DHX37: variants seen among roughly 807,000 people sequenced by gnomAD.
DHX37 encodes probable ATP-dependent RNA helicase DHX37.
Under a neutral mutation model 134.3 loss-of-function variants are expected in DHX37, and 52 were observed. The observed-to-expected ratio is 0.39, with a 90% CI of 0.31 to 0.49. The LOEUF is 0.49. Among genes scored for constraint, DHX37 ranks in the 20% least tolerant of loss-of-function variants. The pLI, the probability that DHX37 is intolerant of heterozygous loss-of-function variation, is 0.93. For missense variants in DHX37, 1,344 were observed against 1,580.8 expected (o/e 0.85, Z 2.54); for synonymous variants, 634 against 670.7 (o/e 0.95, Z 0.85).
chr12:124,985,972 G>A, intron 2 of DHX37, 124 bp downstream of exon 2: 1 of 1,257,158 alleles, frequency 8.0e-7, no homozygotes, highest in Non-Finnish European at 1.1e-6. Flanking sequence ...CCATGCACTG[G>A]AATTTTCCTC....
chr12:124,965,971 T>C, intron 12 of DHX37, 159 bp from the exon 13 acceptor site: 2 of 503,048 alleles, frequency 4.0e-6, no homozygotes, highest in Non-Finnish European at 5.1e-6. Flanking sequence ...CCTGCCAGAA[T>C]TTCCCCACCT....
intron 16 of DHX37, among the ~76,000 whole-genome samples, chr12:124,959,621 T>A (rs942581442): frequency 6.6e-6 from 1 of 152,204 alleles, no homozygotes; most frequent in African/African-American, 2.4e-5. Context: ...AAGTACAGGA[T>A]GTTATGTGTT....
In DHX37 at chr12:124,987,787, C is replaced by G. The variant is rs150390428; in HGVS notation, c.106+1130G>C. 4.0e-3 allele frequency among the ~76,000 whole-genome samples: 610 copies of G among 152,148 alleles called. 6 individuals carry two copies. The highest frequency in any genetic ancestry group is 0.014 in the African/African-American group (583 of 41,508). On this transcript the variant is annotated intron_variant, in intron 1 of 26. Transcript: ENST00000308736. ...GTATTCTATTCACTGGTTGAGCATC[C>G]CTAATCTAAAAATTTGAAATCTGGA...
chr12:124,972,470 G>A (rs1193097685), intron 7 of DHX37, 33 bp downstream of exon 7: 1 of 1,606,818 alleles, frequency 6.2e-7, no homozygotes, highest in Non-Finnish European at 8.5e-7. Context: ...ATGCCCACTG[G>A]CCTTGCTCTG....
In DHX37 at chr12:124,986,101, T is replaced by TC; in HGVS notation, c.270dup (p.Ser91GlufsTer12). ...CCTGCCCGAGTGGGGTGTACCTGGCTCTTTTTCTCCTTCTGTTCTAAGATT... is the reference window on the plus strand; with the variant it reads ...CCTGCCCGAGTGGGGTGTACCTGGCTCCTTTTTCTCCTTCTGTTCTAAGATT... On this transcript the variant is annotated frameshift_variant, in exon 2 of 27. Coordinates refer to ENST00000308736, the MANE Select transcript of DHX37 (RefSeq NM_032656.4). LOFTEE classifies it high-confidence loss of function. 6.2e-7 allele frequency: 1 copy of TC among 1,613,798 alleles called. No homozygotes were observed. Among genetic ancestry groups the TC allele is most frequent in the Non-Finnish European group, 8.5e-7 (1 of 1,179,998 alleles).
chr12:124,983,884 C>G (rs1176581242), intron 2 of DHX37, among the ~76,000 whole-genome samples: 3 of 152,174 alleles, frequency 2.0e-5, no homozygotes, highest in African/African-American at 7.2e-5. Flanking sequence ...GAGAGACCCT[C>G]AAGCCTCCTG....
At chr12:124,965,065 G>A (rs149607258) in intron 13 of DHX37, 59 bp from the exon 14 acceptor site, 35,542 of 1,538,942 alleles carry the variant, frequency 0.023, 461 homozygotes, top group South Asian at 0.027. Context: ...ACAGGCAGGA[G>A]CTGGCCACAG....
At chr12:124,968,416 G>A in intron 10 of DHX37, 118 bp downstream of exon 10, 1 of 1,503,880 alleles carries the variant, frequency 6.6e-7, no homozygotes, top group East Asian at 2.3e-5. Context: ...GGAAGCCGAG[G>A]CCTGGCAGGG....
chr12:124,983,789 A>AG (rs1434567392), intron 2 of DHX37, among the ~76,000 whole-genome samples: 1 of 150,810 alleles, frequency 6.6e-6, no homozygotes, highest in Non-Finnish European at 1.5e-5. Flanking sequence ...TGTCTCCAAA[A>AG]AAAAAAAAAA....
Position 124,989,023 on chromosome 12 carries a change from G to C in DHX37, c.-1C>G, listed in dbSNP as rs751707395. On this transcript the variant is annotated 5_prime_UTR_variant, in exon 1 of 27. Transcript: ENST00000308736. Reference sequence around the variant, plus strand: ...TGTAGCGCCGGCGCAGCTTCCCCATGGCGACTAGGCCAGGGTGGGCGCTCC... The same window carrying C: ...TGTAGCGCCGGCGCAGCTTCCCCATCGCGACTAGGCCAGGGTGGGCGCTCC... 1 of 1,367,800 alleles carries C rather than the reference G, an allele frequency of 7.3e-7. No homozygotes were observed. The highest frequency in any genetic ancestry group is 2.0e-5 in the South Asian group (1 of 48,876). The allele number at this position is 1,367,800 out of a possible 1,614,324, so 84.7% of individuals were successfully genotyped here.
At chr12:124,972,366 C>T (rs1954539890) in intron 7 of DHX37, 137 bp downstream of exon 7, 1 of 854,572 alleles carries the variant, frequency 1.2e-6, no homozygotes, top group African/African-American at 1.6e-5. Context: ...AAGTAACTCA[C>T]CCAAAGTCAC....
intron 6 of DHX37, 112 bp downstream of exon 6, chr12:124,975,307 C>G: frequency 9.1e-7 from 1 of 1,100,106 alleles, no homozygotes; most frequent in Non-Finnish European, 1.3e-6. Context: ...AGAGGTGACA[C>G]TCCACCCAGC....
chr12:124,985,876 G>C (rs550543477), intron 2 of DHX37, among the ~76,000 whole-genome samples: 2 of 151,050 alleles, frequency 1.3e-5, no homozygotes, highest in African/African-American at 4.9e-5. Context: ...GACATTCTCC[G>C]GAACAGTTCA....
chr12:124,954,052 C>A (rs1468274289), intron 19 of DHX37, 35 bp downstream of exon 19: 1 of 1,608,422 alleles, frequency 6.2e-7, no homozygotes, highest in East Asian at 2.2e-5. Flanking sequence ...ACCTGGGTGA[C>A]CCTCCCGCCA....
rs1323620822 is a variant in DHX37 at position 124,964,946 on chromosome 12, G to C, written c.1796C>G (p.Pro599Arg). 1.3e-6 allele frequency: 2 copies of C among 1,595,766 alleles called. No homozygotes were observed. Among genetic ancestry groups the C allele is most frequent in the Admixed American group, 1.8e-5 (1 of 55,466 alleles). ...CACGGTTACCTGTGCTTGCTTCTCT[G>C]GGGCCAGCAGAGAGTACAGCGGGAG... is the stretch of plus-strand genomic sequence containing the variant. ...HVLPLYSLLA[P>R]EKQAQVFKPP... The change falls in exon 14 of 27, where the codon CCA becomes CGA. Residue 599 changes from proline to arginine, a missense_variant. Around this residue, in one of 7 missense-constraint regions of DHX37, gnomAD observed 289 missense variants for 323.8 expected, o/e 0.89. Coordinates refer to ENST00000308736, the MANE Select transcript of DHX37 (RefSeq NM_032656.4).
rs747935710 is a variant in DHX37, at chr12:124,986,635, T to C, written c.107-370A>G. On this transcript the variant is annotated intron_variant, in intron 1 of 26. Transcript: ENST00000308736. ...CTGAGACAGGAGAATCTCTTGAAAC[T>C]GGGAGGTGGAGGTTGCAGTGAGCCG... Among the ~76,000 whole-genome samples the C allele has an allele frequency of 2.7e-4, 41 of 151,846 alleles. 1 individual carries two copies. The highest frequency in any genetic ancestry group is 5.3e-4 in the Non-Finnish European group (36 of 67,980).
At chr12:124,960,140 G>T (rs775167403) in intron 16 of DHX37, among the ~76,000 whole-genome samples, 172 bp downstream of exon 16, 3 of 152,218 alleles carry the variant, frequency 2.0e-5, no homozygotes, top group South Asian at 2.1e-4. Context: ...CAGCACTGGG[G>T]AGGCAGCGGT....
rs1256467991 is a variant in DHX37 at position 124,970,264 on chromosome 12, G to A, written c.1191+1038C>T. Among the ~76,000 whole-genome samples, 3 of 152,314 alleles carry A rather than the reference G, an allele frequency of 2.0e-5. No homozygotes were observed. In the East Asian group the frequency reaches 5.8e-4, roughly 29 times the overall value. On this transcript the variant is annotated intron_variant, in intron 8 of 26. Transcript: ENST00000308736. ...GCTGGGATTACAGGCGTGAGCCACC[G>A]TGCCCGGCCTAGGGTTTCTTGTTGG...
At position 124,966,802 on chromosome 12, in the gene DHX37, C is replaced by A. The variant is rs200874982; in HGVS notation, c.1581G>T (p.Ala527=). Residue 527 remains alanine, a synonymous_variant, in exon 12 of 27, where the codon GCG becomes GCT. Coordinates refer to ENST00000308736, the MANE Select transcript of DHX37 (RefSeq NM_032656.4). ...CCAGCCCCCCACGTACCTCAGCCCG[C>A]GCCTTCTTGGCCCTGGCCCTTGACT... ...FKKSRARAKK[A]RAEVLPQINL... is the part of the protein sequence containing the mutation. 3 of 1,614,130 alleles carry A rather than the reference C, an allele frequency of 1.9e-6. No individual in the cohort carries two copies. In the African/African-American group the frequency reaches 4.0e-5, roughly 22 times the overall value.
Sources: gnomAD v4.1 joint callset for allele counts (sites outside exome capture counted in the v4.1 genomes callset) on GRCh38, gnomAD v4.1.1 for gene constraint, gnomAD v4.1.1 regional missense constraint, MANE v1.5 for transcripts, NCBI Gene and HGNC (gene_info 2026-07-23, HGNC 2026-07-21) for gene names.